Variants in SLCO1B1 observed in about 807,000 individuals in gnomAD.
SLCO1B1 encodes solute carrier organic anion transporter family member 1B1.
In SLCO1B1, 81 loss-of-function variants were observed where a neutral mutation model predicts 70.1. That is an observed-to-expected ratio of 1.16 (90% CI 0.97 to 1.39). The LOEUF is 1.39. SLCO1B1 is among the 40% of genes most tolerant of loss of function. The probability of loss-of-function intolerance (pLI) is 0.00; values close to 1 mark genes in which losing one functional copy is unlikely to be tolerated. For synonymous variants in SLCO1B1, 283 were observed against 271.5 expected (o/e 1.04, Z -0.42); for missense variants, 895 against 799.6 (o/e 1.12, Z -1.44).
rs79713452 is a variant in SLCO1B1, at chr12:21,215,466, G to C, written c.1498-1653G>C. On this transcript the variant is annotated intron_variant, in intron 11 of 14. Coordinates refer to ENST00000256958, the MANE Select transcript of SLCO1B1 (RefSeq NM_006446.5). ...ACTGTTTATCCTAAATTCCATTTAT[G>C]TAGTGAATCACATTTATTGATTGTG... Among the ~76,000 whole-genome samples the C allele has an allele frequency of 0.023, 3,532 of 152,174 alleles. 359 individuals carry two copies. The East Asian group carries it at 0.34, about 15-fold the overall frequency.
At position 21,231,703 on chromosome 12, in the gene SLCO1B1, A is replaced by G. The variant is rs140671038; in HGVS notation, c.1865+6864A>G. ...TGTATATATGTGTGTATATATGTAT[A>G]TGCTATATATACATGTATATATGTG... is the stretch of plus-strand genomic sequence containing the variant. On this transcript the variant is annotated intron_variant, in intron 14 of 14. Coordinates refer to ENST00000256958, the MANE Select transcript of SLCO1B1 (RefSeq NM_006446.5). Among the ~76,000 whole-genome samples, 17 of 152,144 alleles carry G rather than the reference A, an allele frequency of 1.1e-4. No individual in the cohort carries two copies. In the East Asian group the frequency reaches 2.5e-3, roughly 22 times the overall value.
In SLCO1B1 at chr12:21,131,249, G is replaced by C. The variant is rs1460672003; in HGVS notation, c.-62+13G>C. 6.6e-6 allele frequency: 1 copy of C among 152,010 alleles called. No individual in the cohort carries two copies. Among genetic ancestry groups the C allele is most frequent in the Non-Finnish European group, 1.5e-5 (1 of 68,000 alleles). 9.4% of individuals were successfully genotyped at this position (152,010 alleles called of 1,614,324 possible). A position where few individuals can be genotyped will look rare whatever the true frequency, so the allele number is the denominator to read the frequency against. ...ATTCTAAATCCAGGTAAGAACCATT[G>C]AGATTCTCTAATTTTTACATATATT... On this transcript the variant is annotated intron_variant, in intron 1 of 14. Coordinates refer to ENST00000256958, the MANE Select transcript of SLCO1B1 (RefSeq NM_006446.5).
chr12:21,226,318 G>A (rs117881781), intron 14 of SLCO1B1, among the ~76,000 whole-genome samples: 1 of 151,938 alleles, frequency 6.6e-6, no homozygotes, highest in South Asian at 2.1e-4. Context: ...GGAGGCTAAA[G>A]CACAAGAATC....
intron 7 of SLCO1B1, among the ~76,000 whole-genome samples, chr12:21,187,918 C>G (rs899626416): frequency 5.9e-5 from 9 of 152,088 alleles, no homozygotes; most frequent in Non-Finnish European, 1.2e-4. Flanking sequence ...AGATGAGTGC[C>G]TGCGAACTAG....
chr12:21,231,908 T>C (rs1456770237), intron 14 of SLCO1B1, among the ~76,000 whole-genome samples: 1 of 152,230 alleles, frequency 6.6e-6, no homozygotes, highest in East Asian at 1.9e-4. Flanking sequence ...AAACAGCCAG[T>C]ATTTCTGGCT....
chr12:21,160,497 G>GA (rs200705323), intron 2 of SLCO1B1, among the ~76,000 whole-genome samples: 2,683 of 144,918 alleles, frequency 0.019, 102 homozygotes, highest in African/African-American at 0.063. Flanking sequence ...TATAAAAAAG[G>GA]AAAAAAAAAA....
At position 21,202,500 on chromosome 12, in the gene SLCO1B1, C is replaced by A; in HGVS notation, c.1145C>A (p.Thr382Asn). The A allele has an allele frequency of 6.2e-7, 1 of 1,602,686 alleles. No individual in the cohort carries two copies. Among genetic ancestry groups the A allele is most frequent in the Non-Finnish European group, 8.5e-7 (1 of 1,173,534 alleles). Residue 382 changes from threonine (T) to asparagine (N), a missense_variant, in exon 10 of 15, where the codon ACC becomes AAC. Coordinates refer to ENST00000256958, the MANE Select transcript of SLCO1B1 (RefSeq NM_006446.5). ...TTTCTTTTTTTTCTAGGAGTCATAA[C>A]CATACCTATTTTTGCAAGTGGAATG... ...SKANILLGVITIPIFASGMFL... is the reference protein window; with the variant it reads ...SKANILLGVINIPIFASGMFL...
At chr12:21,210,044 G>A (rs1722415154) in intron 11 of SLCO1B1, among the ~76,000 whole-genome samples, 1 of 147,880 alleles carries the variant, frequency 6.8e-6, no homozygotes, top group Non-Finnish European at 1.5e-5. Context: ...TTTTTGCTGT[G>A]CAGAAGCTCT....
intron 1 of SLCO1B1, among the ~76,000 whole-genome samples, chr12:21,138,577 T>C (rs192115341): frequency 4.6e-5 from 7 of 152,324 alleles, no homozygotes; most frequent in African/African-American, 1.2e-4. Flanking sequence ...TCCACCTTTT[T>C]TTCCTGAATA....
chr12:21,209,906 T>G (rs1055297897), intron 11 of SLCO1B1, among the ~76,000 whole-genome samples: 371 of 152,112 alleles, frequency 2.4e-3, no homozygotes, highest in African/African-American at 7.9e-3. Flanking sequence ...TGATGGGGTT[T>G]TTTGTTTTTT....
chr12:21,159,907 A>G (rs956256217), intron 2 of SLCO1B1, among the ~76,000 whole-genome samples: 1 of 152,074 alleles, frequency 6.6e-6, no homozygotes, highest in African/African-American at 2.4e-5. Flanking sequence ...TTTGAAATAT[A>G]GCTAACTAGG....
At chr12:21,210,561 C>T (rs1283604026) in intron 11 of SLCO1B1, among the ~76,000 whole-genome samples, 2 of 143,686 alleles carry the variant, frequency 1.4e-5, no homozygotes, top group Admixed American at 1.4e-4. Flanking sequence ...TTTTTGGTTC[C>T]ATATGAACTT....
At chr12:21,151,373 T>C (rs558955409) in intron 2 of SLCO1B1, among the ~76,000 whole-genome samples, 1 of 152,290 alleles carries the variant, frequency 6.6e-6, no homozygotes, top group African/African-American at 2.4e-5. Flanking sequence ...CAAGTCCACT[T>C]TCACGTGACG....
chr12:21,166,045 A>T (rs533937772), intron 2 of SLCO1B1, among the ~76,000 whole-genome samples: 8 of 152,240 alleles, frequency 5.3e-5, no homozygotes, highest in Non-Finnish European at 1.0e-4. Context: ...AAACATACGG[A>T]ACTGTGGGAC....
intron 2 of SLCO1B1, among the ~76,000 whole-genome samples, chr12:21,142,159 G>A (rs1019777800): frequency 2.0e-5 from 3 of 151,542 alleles, no homozygotes; most frequent in Non-Finnish European, 4.4e-5. Context: ...CAAAAACTTG[G>A]CCAAAAGACC....
chr12:21,215,186 T>C (rs1042841793), intron 11 of SLCO1B1, among the ~76,000 whole-genome samples: 2 of 152,232 alleles, frequency 1.3e-5, no homozygotes, highest in African/African-American at 2.4e-5. Flanking sequence ...TCTTTCCTGA[T>C]TGATCTGTCT....
At chr12:21,188,813 T>C (rs1940992786) in intron 7 of SLCO1B1, among the ~76,000 whole-genome samples, 1 of 152,182 alleles carries the variant, frequency 6.6e-6, no homozygotes, top group African/African-American at 2.4e-5. Flanking sequence ...CATTCTACTC[T>C]TTGCTTCTGT....
intron 1 of SLCO1B1, among the ~76,000 whole-genome samples, chr12:21,136,303 T>G (rs1940220429): frequency 6.6e-6 from 1 of 150,596 alleles, no homozygotes; most frequent in African/African-American, 2.4e-5. Context: ...CTGACAATTA[T>G]GTGTCTTGGA....
intron 13 of SLCO1B1, 33 bp downstream of exon 13, chr12:21,222,397 AATATATATATATATATAT>A (rs751514211): frequency 5.1e-5 from 5 of 97,744 alleles, no homozygotes; most frequent in South Asian, 1.9e-4. Flanking sequence ...AAAAAAAAAA[AATATATATATATATATAT>A]ATATATATAT....
Sources: allele counts gnomAD v4.1 joint callset (sites outside exome capture counted in the v4.1 genomes callset), GRCh38; gene constraint gnomAD v4.1.1; transcripts MANE v1.5; gene names NCBI Gene and HGNC (gene_info 2026-07-23, HGNC 2026-07-21).